ABI2: variants seen among roughly 807,000 people sequenced by gnomAD.
ABI2 encodes the protein abelson interactor 2.
Under a neutral mutation model 59.2 loss-of-function variants are expected in ABI2, and 25 were observed. That is an observed-to-expected ratio of 0.42 (90% confidence interval 0.31 to 0.59). The LOEUF (loss-of-function observed/expected upper bound fraction) is 0.59, where lower values mean the gene tolerates loss of function less well. Ranked by LOEUF, ABI2 falls within the 20% of genes least tolerant of loss-of-function variation. ABI2 has a pLI of 0.14. For missense variants in ABI2, 545 were observed against 681.8 expected, an observed-to-expected ratio of 0.80 and a Z score of 2.23; for synonymous variants, 213 against 235.5, an observed-to-expected ratio of 0.90 and a Z score of 0.87.
intron 1 of ABI2, among the ~76,000 whole-genome samples, chr2:203,359,820 T>C (rs1236694979): frequency 1.4e-5 from 2 of 139,642 alleles, no homozygotes; most frequent in East Asian, 4.0e-4. Context: ...TCAACATCAG[T>C]GTTAGGTTCC....
At chr2:203,350,251 AT>A (rs2086901616) in intron 1 of ABI2, among the ~76,000 whole-genome samples, 1 of 152,006 alleles carries the variant, frequency 6.6e-6, no homozygotes, top group African/African-American at 2.4e-5. Context: ...TAATTCTCGT[AT>A]TTTTAGTAGA....
chr2:203,427,524 A>G lies in ABI2; in HGVS notation c.*172A>G. 1 of 567,122 alleles carries G rather than the reference A, an allele frequency of 1.8e-6. No homozygotes were observed. 35.1% of individuals were successfully genotyped at this position (567,122 alleles called of 1,614,324 possible). The stretch of plus-strand genomic sequence containing the variant: ...TAAAAACAAAGCAAGCTGAGTCTGA[A>G]CAAATGGATCTTTCTGCCATCATTT... On this transcript the variant is annotated 3_prime_UTR_variant, in exon 12 of 12. Transcript: ENST00000261018.
chr2:203,399,696 G>A (rs1579368178), intron 8 of ABI2, among the ~76,000 whole-genome samples: 1 of 152,128 alleles, frequency 6.6e-6, no homozygotes, highest in East Asian at 1.9e-4. Context: ...TGTATTTTTA[G>A]TAGAGACGGG....
chr2:203,412,200 C>G (rs1450520125), intron 10 of ABI2, among the ~76,000 whole-genome samples: 1 of 152,152 alleles, frequency 6.6e-6, no homozygotes, highest in African/African-American at 2.4e-5. Flanking sequence ...TGGCTTAGGA[C>G]TCCTGCTTAT....
At chr2:203,385,139 CTT>C (rs10527327) in intron 4 of ABI2, among the ~76,000 whole-genome samples, 3 of 69,922 alleles carry the variant, frequency 4.3e-5, no homozygotes, top group African/African-American at 9.5e-5. Flanking sequence ...GGCTCAGATT[CTT>C]TTTTTTTTTT....
intron 2 of ABI2, among the ~76,000 whole-genome samples, chr2:203,367,866 T>TA (rs2094614503): frequency 6.6e-6 from 1 of 151,864 alleles, no homozygotes; most frequent in Non-Finnish European, 1.5e-5. Context: ...TAGCCAGGTT[T>TA]GGTGGTGCAC....
intron 1 of ABI2, among the ~76,000 whole-genome samples, chr2:203,366,198 A>G (rs1210054331): frequency 6.6e-6 from 1 of 152,170 alleles, no homozygotes; most frequent in Admixed American, 6.5e-5. Context: ...TCATGCCTGT[A>G]ATCCCGGCAC....
chr2:203,370,320 T>G lies in ABI2; in HGVS notation c.285+3276T>G, dbSNP rs144715060. 1.5e-3 allele frequency among the ~76,000 whole-genome samples: 234 copies of G among 151,692 alleles called. 3 individuals carry two copies. Among genetic ancestry groups the G allele is most frequent in the African/African-American group, 4.8e-3 (198 of 41,356 alleles). Reference sequence around the variant, plus strand: ...CCAGGGTGGTCTTGAACTCCTGGTCTCAAGTGATCCTCCCACCTCAGCCTC... The same window carrying G: ...CCAGGGTGGTCTTGAACTCCTGGTCGCAAGTGATCCTCCCACCTCAGCCTC... On this transcript the variant is annotated intron_variant, in intron 2 of 11. Coordinates refer to ENST00000261018, the MANE Select transcript of ABI2 (RefSeq NM_001375670.1).
rs1051436115 is a variant in ABI2, at chr2:203,346,149, C to CAA, written c.117+17530_117+17531dup. Among the ~76,000 whole-genome samples the CAA allele has an allele frequency of 4.8e-3, 664 of 137,278 alleles. 10 individuals are homozygous for CAA. The highest frequency in any genetic ancestry group is 0.017 in the African/African-American group (630 of 37,498). 90.1% of individuals were successfully genotyped at this position (137,278 alleles called of 152,430 possible). A position where few individuals can be genotyped will look rare whatever the true frequency, so the allele number is the denominator to read the frequency against. On this transcript the variant is annotated intron_variant, in intron 1 of 11. Coordinates refer to ENST00000261018, the MANE Select transcript of ABI2 (RefSeq NM_001375670.1). ...GGGTGACAAGAGTGAAACTCCATCT[C>CAA]AAAAAAAAAAAAATTGCTTGTAATT...
intron 9 of ABI2, among the ~76,000 whole-genome samples, chr2:203,409,617 T>C (rs2097573517): frequency 1.3e-5 from 2 of 152,334 alleles, no homozygotes; most frequent in African/African-American, 4.8e-5. Flanking sequence ...CTTGATATGC[T>C]AGCTAAATCA....
At chr2:203,341,744 G>A (rs2080068201) in intron 1 of ABI2, among the ~76,000 whole-genome samples, 2 of 152,144 alleles carry the variant, frequency 1.3e-5, no homozygotes, top group Non-Finnish European at 2.9e-5. Flanking sequence ...TTGCAAATTT[G>A]AAGAGTTGAT....
At chr2:203,362,113 C>G (rs910526790) in intron 1 of ABI2, among the ~76,000 whole-genome samples, 1 of 152,116 alleles carries the variant, frequency 6.6e-6, no homozygotes, top group Non-Finnish European at 1.5e-5. Flanking sequence ...TGACATAGTT[C>G]CTGTGATCTC....
chr2:203,392,876 A>G (rs559569700), intron 5 of ABI2, among the ~76,000 whole-genome samples: 1 of 152,172 alleles, frequency 6.6e-6, no homozygotes, highest in Non-Finnish European at 1.5e-5. Flanking sequence ...CTTGGGGACC[A>G]GAGTTGCTGA....
intron 1 of ABI2, among the ~76,000 whole-genome samples, chr2:203,332,412 A>G (rs2074234637): frequency 6.6e-6 from 1 of 151,966 alleles, no homozygotes; most frequent in Admixed American, 6.6e-5. Flanking sequence ...ACATCACGAG[A>G]TCAGGAGATC....
intron 2 of ABI2, chr2:203,374,908 A>G (rs1260818385): frequency 1.1e-5 from 5 of 447,822 alleles, no homozygotes; most frequent in Non-Finnish European, 1.8e-5. Flanking sequence ...GGAAATGACA[A>G]TGCATGGATA....
chr2:203,349,892 G>A (rs532801814), intron 1 of ABI2, among the ~76,000 whole-genome samples: 5 of 151,970 alleles, frequency 3.3e-5, no homozygotes, highest in African/African-American at 1.2e-4. Context: ...ATATGTGCTC[G>A]TTTCTTTGGG....
intron 3 of ABI2, among the ~76,000 whole-genome samples, chr2:203,380,648 T>A (rs1299511140): frequency 6.6e-6 from 1 of 152,212 alleles, no homozygotes; most frequent in Non-Finnish European, 1.5e-5. Context: ...AGTAAATAAG[T>A]GTCGTGTAAT....
intron 1 of ABI2, among the ~76,000 whole-genome samples, chr2:203,341,911 C>A (rs993657606): frequency 6.6e-6 from 1 of 152,172 alleles, no homozygotes; most frequent in African/African-American, 2.4e-5. Flanking sequence ...GCAGGACTTA[C>A]TCAATAGTGG....
intron 9 of ABI2, among the ~76,000 whole-genome samples, chr2:203,407,059 T>C (rs903003948): frequency 2.0e-5 from 3 of 152,208 alleles, no homozygotes; most frequent in African/African-American, 7.2e-5. Flanking sequence ...AGCCAGAATA[T>C]ACTGTCTTTC....
Sources: gnomAD v4.1 joint callset for allele counts (sites outside exome capture counted in the v4.1 genomes callset) on GRCh38, gnomAD v4.1.1 for gene constraint, MANE v1.5 for transcripts, NCBI Gene and HGNC (gene_info 2026-07-23, HGNC 2026-07-21) for gene names.